GRID2: variants seen among roughly 807,000 people sequenced by gnomAD.
GRID2 encodes glutamate ionotropic receptor delta type subunit 2.
Under a neutral mutation model 114.8 loss-of-function variants are expected in GRID2, and 33 were observed. The observed-to-expected ratio is 0.29, with a 90% confidence interval of 0.22 to 0.38. GRID2 has a LOEUF of 0.38. GRID2 is among the 10% of genes least tolerant of loss of function. The pLI, the probability that GRID2 is intolerant of heterozygous loss-of-function variation, is 1.00. For synonymous variants in GRID2, 505 were observed against 449.9 expected (o/e 1.12, Z -1.55); for missense variants, 1,184 against 1,257.7 (o/e 0.94, Z 0.89).
chr4:92,417,506 G>C (rs1398396822), intron 1 of GRID2, among the ~76,000 whole-genome samples: 3 of 151,960 alleles, frequency 2.0e-5, no homozygotes, highest in Admixed American at 6.6e-5. Flanking sequence ...AGGAACTAAC[G>C]CTCCAGTAGA....
chr4:93,004,617 T>C (rs1018452884), intron 2 of GRID2, among the ~76,000 whole-genome samples: 3 of 151,970 alleles, frequency 2.0e-5, no homozygotes, highest in African/African-American at 7.2e-5. Flanking sequence ...ATCACGACAC[T>C]CTTATATCAA....
chr4:92,667,777 A>C (rs564574205), intron 2 of GRID2, among the ~76,000 whole-genome samples: 2 of 151,738 alleles, frequency 1.3e-5, no homozygotes, highest in Admixed American at 1.3e-4. Context: ...TATTAAAGTA[A>C]ATCTCATTCT....
chr4:92,958,041 A>C (rs1752534620), intron 2 of GRID2, among the ~76,000 whole-genome samples: 1 of 151,990 alleles, frequency 6.6e-6, no homozygotes, highest in Non-Finnish European at 1.5e-5. Context: ...AGTTTCAGGA[A>C]CTTTTGTTGT....
chr4:92,579,940 T>C (rs1173718249), intron 1 of GRID2, among the ~76,000 whole-genome samples: 2 of 147,358 alleles, frequency 1.4e-5, no homozygotes, highest in Non-Finnish European at 3.0e-5. Flanking sequence ...CATATGTATA[T>C]AATATATATA....
chr4:92,987,845 G>A (rs1197595931), intron 2 of GRID2, among the ~76,000 whole-genome samples: 2 of 151,858 alleles, frequency 1.3e-5, no homozygotes, highest in African/African-American at 2.4e-5. Flanking sequence ...ATATGGTACC[G>A]AGAATGGGAG....
At chr4:93,227,338 C>T (rs1337341057) in intron 7 of GRID2, among the ~76,000 whole-genome samples, 1 of 152,034 alleles carries the variant, frequency 6.6e-6, no homozygotes, top group Non-Finnish European at 1.5e-5. Context: ...AGTGATTCTC[C>T]AGCCCCAGCC....
At chr4:93,705,612 A>AT (rs1317293823) in intron 14 of GRID2, among the ~76,000 whole-genome samples, 1 of 151,566 alleles carries the variant, frequency 6.6e-6, no homozygotes, top group Non-Finnish European at 1.5e-5. Flanking sequence ...GTTTGCAAAT[A>AT]TTTTTCCCCA....
intron 3 of GRID2, among the ~76,000 whole-genome samples, chr4:93,106,135 C>A (rs1732206389): frequency 6.6e-6 from 1 of 152,092 alleles, no homozygotes; most frequent in Non-Finnish European, 1.5e-5. Context: ...ACAGAAACTT[C>A]TTTTAGCTTT....
chr4:93,185,939 C>CTT (rs1438487551), intron 4 of GRID2, among the ~76,000 whole-genome samples: 1 of 152,004 alleles, frequency 6.6e-6, no homozygotes, highest in Admixed American at 6.6e-5. Flanking sequence ...ATGTTTCCCG[C>CTT]CCTGTGTCCA....
Position 92,907,831 on chromosome 4 carries a change from C to T in GRID2, c.245-177164C>T, listed in dbSNP as rs541483064. 2.9e-3 allele frequency among the ~76,000 whole-genome samples: 447 copies of T among 152,196 alleles called. 1 individual carries two copies. Among genetic ancestry groups the T allele is most frequent in the African/African-American group, 0.011 (437 of 41,576 alleles). The stretch of plus-strand genomic sequence containing the variant: ...CTGAGGTTAGGAGTTCGAGACCAGC[C>T]TGACCAACATGGTGAATCCCTGTCT... On this transcript the variant is annotated intron_variant, in intron 2 of 15. Coordinates refer to ENST00000282020, the MANE Select transcript of GRID2 (RefSeq NM_001510.4).
At chr4:93,428,738 T>A (rs563700977) in intron 10 of GRID2, among the ~76,000 whole-genome samples, 1 of 152,292 alleles carries the variant, frequency 6.6e-6, no homozygotes, top group African/African-American at 2.4e-5. Flanking sequence ...GATATTTAGA[T>A]TCTAACAGAT....
At chr4:92,818,707 G>C (rs763260593) in intron 2 of GRID2, among the ~76,000 whole-genome samples, 1 of 152,074 alleles carries the variant, frequency 6.6e-6, no homozygotes, top group Non-Finnish European at 1.5e-5. Flanking sequence ...AGCCCCTCTG[G>C]AAGTGCTCTT....
intron 10 of GRID2, among the ~76,000 whole-genome samples, chr4:93,423,820 T>G (rs1379972920): frequency 6.6e-6 from 1 of 152,204 alleles, no homozygotes. Context: ...ATTTTCCTGA[T>G]AAATTATTGA....
chr4:92,934,890 A>T lies in GRID2; in HGVS notation c.245-150105A>T, dbSNP rs1030057530. Among the ~76,000 whole-genome samples the T allele has an allele frequency of 2.7e-5, 4 of 147,102 alleles. 1 individual carries two copies. Among genetic ancestry groups the T allele is most frequent in the Admixed American group, 1.5e-4 (2 of 13,610 alleles). Reference sequence around the variant, plus strand: ...TACACCTTATACCAAAATTAATTCAAGATGGATTAAAGACTTAAACGTTCG... The same window carrying T: ...TACACCTTATACCAAAATTAATTCATGATGGATTAAAGACTTAAACGTTCG... On this transcript the variant is annotated intron_variant, in intron 2 of 15. Transcript: ENST00000282020.
At chr4:92,635,792 G>T (rs563565359) in intron 2 of GRID2, among the ~76,000 whole-genome samples, 1 of 152,020 alleles carries the variant, frequency 6.6e-6, no homozygotes, top group African/African-American at 2.4e-5. Flanking sequence ...ACACCATGTT[G>T]CTACCAATTA....
At chr4:92,313,138 C>T (rs1725795813) in intron 1 of GRID2, among the ~76,000 whole-genome samples, 1 of 149,074 alleles carries the variant, frequency 6.7e-6, no homozygotes, top group South Asian at 2.1e-4. Flanking sequence ...AGATGGAATA[C>T]TACTCAGCCA....
At chr4:92,578,742 A>G (rs550107725) in intron 1 of GRID2, among the ~76,000 whole-genome samples, 1 of 150,852 alleles carries the variant, frequency 6.6e-6, no homozygotes, top group Non-Finnish European at 1.5e-5. Context: ...CAATCTATCT[A>G]TCTATCTATC....
intron 3 of GRID2, among the ~76,000 whole-genome samples, chr4:93,105,402 T>C (rs1444735809): frequency 6.6e-6 from 1 of 152,198 alleles, no homozygotes; most frequent in Non-Finnish European, 1.5e-5. Context: ...TCCTGAACGG[T>C]AATGCCTAGG....
At chr4:93,496,749 T>C (rs1387844147) in intron 12 of GRID2, among the ~76,000 whole-genome samples, 1 of 151,878 alleles carries the variant, frequency 6.6e-6, no homozygotes, top group Non-Finnish European at 1.5e-5. Flanking sequence ...ATGGTATGGA[T>C]GTACCACAGT....
Sources: gnomAD v4.1 joint callset for allele counts (sites outside exome capture counted in the v4.1 genomes callset) on GRCh38, gnomAD v4.1.1 for gene constraint, MANE v1.5 for transcripts, NCBI Gene and HGNC (gene_info 2026-07-23, HGNC 2026-07-21) for gene names.